Variants in KCNAB1 observed in about 807,000 individuals in gnomAD.
KCNAB1 encodes voltage-gated potassium channel subunit beta-1.
KCNAB1 carries 35 observed loss-of-function variants against 64.6 expected under a neutral mutation model. That is an observed-to-expected ratio of 0.54 (90% CI 0.41 to 0.72). The LOEUF is 0.72. Ranked by LOEUF, KCNAB1 falls within the 30% of genes least tolerant of loss-of-function variation. The pLI, the probability that KCNAB1 is intolerant of heterozygous loss-of-function variation, is 0.00. For synonymous variants in KCNAB1, 177 were observed against 183.8 expected (o/e 0.96, Z 0.30); for missense variants, 401 against 512.9 (o/e 0.78, Z 2.11).
intron 8 of KCNAB1, among the ~76,000 whole-genome samples, chr3:156,497,975 G>A (rs1716121972): frequency 6.6e-6 from 1 of 152,132 alleles, no homozygotes. Flanking sequence ...GGTATAGCAT[G>A]TCTAAACAAG....
chr3:156,139,410 A>T (rs1714561904), intron 1 of KCNAB1, among the ~76,000 whole-genome samples: 1 of 152,102 alleles, frequency 6.6e-6, no homozygotes, highest in Non-Finnish European at 1.5e-5. Flanking sequence ...TTCACCTGTG[A>T]TTCTTCCTTG....
chr3:156,323,605 A>G (rs1329030019), intron 1 of KCNAB1, among the ~76,000 whole-genome samples: 1 of 152,180 alleles, frequency 6.6e-6, no homozygotes. Context: ...GTCATTCTGA[A>G]GAGAGGATGT....
At chr3:156,232,342 G>A (rs929141034) in intron 1 of KCNAB1, among the ~76,000 whole-genome samples, 1 of 152,190 alleles carries the variant, frequency 6.6e-6, no homozygotes, top group African/African-American at 2.4e-5. Context: ...ATATTAATTT[G>A]CCCTTCAACA....
At chr3:156,514,673 G>C (rs993550771) in intron 9 of KCNAB1, among the ~76,000 whole-genome samples, 13 of 152,126 alleles carry the variant, frequency 8.5e-5, no homozygotes, top group African/African-American at 3.1e-4. Flanking sequence ...AGGGTAAAGT[G>C]AATTTCACAG....
chr3:156,398,461 G>A (rs1404161232), intron 1 of KCNAB1, among the ~76,000 whole-genome samples: 1 of 151,892 alleles, frequency 6.6e-6, no homozygotes, highest in Non-Finnish European at 1.5e-5. Flanking sequence ...GCGAGGTGGC[G>A]GGTGCCTGTA....
chr3:156,302,074 T>C (rs1216025001), intron 1 of KCNAB1, among the ~76,000 whole-genome samples: 1 of 152,198 alleles, frequency 6.6e-6, no homozygotes, highest in Non-Finnish European at 1.5e-5. Context: ...TGGAAATCCA[T>C]TTCCTTGCCT....
chr3:156,123,948 C>G (rs908294178), intron 1 of KCNAB1, among the ~76,000 whole-genome samples: 1 of 151,968 alleles, frequency 6.6e-6, no homozygotes, highest in African/African-American at 2.4e-5. Flanking sequence ...ACATGCTTTC[C>G]CCAGCATTTT....
At chr3:156,436,401 G>T (rs148498444) in intron 2 of KCNAB1, among the ~76,000 whole-genome samples, 125 of 152,308 alleles carry the variant, frequency 8.2e-4, no homozygotes, top group African/African-American at 2.7e-3. Context: ...GTTTATAAAA[G>T]AATAATTTAT....
chr3:156,161,530 C>T (rs1239806447), intron 1 of KCNAB1, among the ~76,000 whole-genome samples: 1 of 152,206 alleles, frequency 6.6e-6, no homozygotes, highest in East Asian at 1.9e-4. Context: ...GATCAGCTGA[C>T]AGGGAGTTTC....
chr3:156,527,160 A>G (rs577095770), intron 12 of KCNAB1, among the ~76,000 whole-genome samples: 14 of 152,292 alleles, frequency 9.2e-5, no homozygotes, highest in African/African-American at 3.4e-4. Flanking sequence ...AAATCAAACA[A>G]TGTATTTAAT....
chr3:156,300,348 C>T (rs1721072490), intron 1 of KCNAB1, among the ~76,000 whole-genome samples: 1 of 152,208 alleles, frequency 6.6e-6, no homozygotes, highest in East Asian at 1.9e-4. Flanking sequence ...GTTGCTGGTA[C>T]TTGAAAACCG....
At chr3:156,536,040 C>T (rs569242210) in intron 13 of KCNAB1, among the ~76,000 whole-genome samples, 1 of 152,338 alleles carries the variant, frequency 6.6e-6, no homozygotes, top group East Asian at 1.9e-4. Context: ...CTTTTCCATG[C>T]TATTCCATCT....
At chr3:156,407,000 T>C (rs1714291268) in intron 1 of KCNAB1, among the ~76,000 whole-genome samples, 1 of 152,180 alleles carries the variant, frequency 6.6e-6, no homozygotes, top group South Asian at 2.1e-4. Context: ...CTTCTAAAAG[T>C]CCTCCAGCAA....
chr3:156,433,477 T>G (rs1054229630), intron 2 of KCNAB1, among the ~76,000 whole-genome samples: 1 of 152,104 alleles, frequency 6.6e-6, no homozygotes, highest in Non-Finnish European at 1.5e-5. Flanking sequence ...AGGGAGGTCA[T>G]GTAAGGCTTC....
intron 1 of KCNAB1, among the ~76,000 whole-genome samples, chr3:156,242,392 C>T (rs1406817222): frequency 6.6e-6 from 1 of 152,128 alleles, no homozygotes; most frequent in Non-Finnish European, 1.5e-5. Context: ...GTACCTGTCT[C>T]TCCAGCAGTA....
intron 1 of KCNAB1, among the ~76,000 whole-genome samples, chr3:156,354,656 A>T (rs369050339): frequency 1.4e-4 from 21 of 150,468 alleles, no homozygotes; most frequent in African/African-American, 5.1e-4. Context: ...GTACACTCAG[A>T]TGCTGTCTCT....
At chr3:156,348,003 G>A (rs1158666225) in intron 1 of KCNAB1, among the ~76,000 whole-genome samples, 1 of 152,104 alleles carries the variant, frequency 6.6e-6, no homozygotes, top group East Asian at 1.9e-4. Flanking sequence ...AGGGAGATAG[G>A]GAGAACAGGA....
At chr3:156,322,537 T>C (rs1397244349) in intron 1 of KCNAB1, among the ~76,000 whole-genome samples, 4 of 152,318 alleles carry the variant, frequency 2.6e-5, no homozygotes, top group South Asian at 2.1e-4. Context: ...ATTTAAAGTA[T>C]ACAGGAGGTT....
At chr3:156,451,601 C>T (rs1712010387) in intron 2 of KCNAB1, among the ~76,000 whole-genome samples, 1 of 152,108 alleles carries the variant, frequency 6.6e-6, no homozygotes, top group Non-Finnish European at 1.5e-5. Flanking sequence ...TAAATGGTAG[C>T]TAGGACTGTT....
Sources: gnomAD v4.1 joint callset for allele counts (sites outside exome capture counted in the v4.1 genomes callset) on GRCh38, gnomAD v4.1.1 for gene constraint, MANE v1.5 for transcripts, NCBI Gene and HGNC (gene_info 2026-07-23, HGNC 2026-07-21) for gene names.